ANTXR2: variants seen among roughly 807,000 people sequenced by gnomAD.
ANTXR2 encodes the protein anthrax toxin receptor 2.
A neutral mutation model predicts 73.7 loss-of-function variants in ANTXR2; 44 were observed. The observed-to-expected ratio is 0.60, with a 90% CI of 0.47 to 0.77. The LOEUF (loss-of-function observed/expected upper bound fraction) is 0.77. ANTXR2 is among the 30% of genes least tolerant of loss of function. ANTXR2 has a pLI of 0.00. For missense variants in ANTXR2, 604 were observed against 592.5 expected, an observed-to-expected ratio of 1.02 and a Z score of -0.20; for synonymous variants, 217 against 205.9, an observed-to-expected ratio of 1.05 and a Z score of -0.46.
intron 12 of ANTXR2, among the ~76,000 whole-genome samples, chr4:80,006,277 C>T (rs981211016): frequency 4.0e-5 from 6 of 151,774 alleles, no homozygotes; most frequent in Non-Finnish European, 5.9e-5. Flanking sequence ...ATTATAAGCA[C>T]TTTTGTATCC....
Position 80,046,177 on chromosome 4 carries a change from C to T in ANTXR2, c.636+8095G>A, listed in dbSNP as rs1476201016. On this transcript the variant is annotated intron_variant, in intron 7 of 16. Coordinates refer to ENST00000403729, the MANE Select transcript of ANTXR2 (RefSeq NM_058172.6). Reference sequence around the variant, plus strand: ...CAAAACAGATGGATAGTTCTGATTACATTGTTGATGAACATACTCTCATAT... The same window carrying T: ...CAAAACAGATGGATAGTTCTGATTATATTGTTGATGAACATACTCTCATAT... 2.0e-5 allele frequency among the ~76,000 whole-genome samples: 3 copies of T among 151,798 alleles called. No individual in the cohort carries two copies. The East Asian group carries it at 5.8e-4, about 29-fold the overall frequency.
rs548392247 is a variant in ANTXR2, at chr4:79,903,255, T to C, written c.*4174A>G. 6.6e-6 allele frequency: 1 copy of C among 152,242 alleles called. No homozygotes were observed. Among genetic ancestry groups the C allele is most frequent in the East Asian group, 1.9e-4 (1 of 5,182 alleles). The allele number at this position is 152,242 out of a possible 1,614,324, so 9.4% of individuals were successfully genotyped here. A position where few individuals can be genotyped will look rare whatever the true frequency, so the allele number is the denominator to read the frequency against. ...GATCTGTTCAACATCAGCAAGCTAG[T>C]TGATGGCTGGGTCTATGGTCTAGGA... On this transcript the variant is annotated 3_prime_UTR_variant, in exon 17 of 17. Transcript: ENST00000403729.
At chr4:79,926,879 G>GTA (rs1178453755) in intron 16 of ANTXR2, among the ~76,000 whole-genome samples, 5 of 150,580 alleles carry the variant, frequency 3.3e-5, no homozygotes, top group Admixed American at 6.6e-5. Flanking sequence ...ATATATGTGT[G>GTA]TATATATATG....
chr4:80,063,027 G>A (rs768739175), intron 3 of ANTXR2, among the ~76,000 whole-genome samples: 6 of 152,068 alleles, frequency 3.9e-5, no homozygotes, highest in Non-Finnish European at 8.8e-5. Flanking sequence ...CTATAAATGA[G>A]AAAAAATTAA....
In ANTXR2 at chr4:80,008,621, A is replaced by C. The variant is rs2110056259; in HGVS notation, c.946-5T>G. 1 of 1,584,816 alleles carries C rather than the reference A, an allele frequency of 6.3e-7. No homozygotes were observed. Among genetic ancestry groups the C allele is most frequent in the South Asian group, 1.2e-5 (1 of 83,938 alleles). ...GATGGCTGCGATCCCGTTAGACTAA[A>C]GTAGGCAAAAAGCAAAAACAAAGCA... On this transcript the variant is annotated splice_region_variant and splice_polypyrimidine_tract_variant and intron_variant, in intron 11 of 16. Transcript: ENST00000403729.
In ANTXR2 at chr4:80,032,818, G is replaced by A. The variant is rs549824914; in HGVS notation, c.796+654C>T. Among the ~76,000 whole-genome samples, 62 of 151,854 alleles carry A rather than the reference G, an allele frequency of 4.1e-4. 1 individual carries two copies. The South Asian group carries it at 8.3e-3, about 20-fold the overall frequency. Reference sequence around the variant, plus strand: ...GTTTTTTCAGAATGAAAACAAAAACGTACTCTTGGCTTTTTTAAAAGTCAA... The same window carrying A: ...GTTTTTTCAGAATGAAAACAAAAACATACTCTTGGCTTTTTTAAAAGTCAA... On this transcript the variant is annotated intron_variant, in intron 9 of 16. Transcript: ENST00000403729.
rs1471976969 is a variant in ANTXR2 at position 79,977,675 on chromosome 4, C to T, written c.1374G>A (p.Leu458=). ...AAACCCGGTCATACTGCCGCCTCAA[C>T]AAAGCCCAGAGAGCATCAAGACGAC... is the stretch of plus-strand genomic sequence containing the variant. ...IKGRLDALWA[L]LRRQYDRVSL... is the part of the protein sequence containing the mutation. Residue 458 remains leucine, a synonymous_variant, in exon 16 of 17, where the codon TTG becomes TTA. Transcript: ENST00000403729. 6.3e-7 allele frequency: 1 copy of T among 1,580,964 alleles called. No individual in the cohort carries two copies. Among genetic ancestry groups the T allele is most frequent in the South Asian group, 1.2e-5 (1 of 86,070 alleles).
chr4:79,987,054 A>G (rs373297271), intron 12 of ANTXR2, among the ~76,000 whole-genome samples: 108 of 152,326 alleles, frequency 7.1e-4, no homozygotes, highest in African/African-American at 2.5e-3. Flanking sequence ...ATGAGAAAGA[A>G]CCAGCACAAG....
At chr4:79,933,735 G>GTTT (rs10689799) in intron 16 of ANTXR2, among the ~76,000 whole-genome samples, 5,616 of 68,888 alleles carry the variant, frequency 0.082, 667 homozygotes, top group East Asian at 0.6. Flanking sequence ...TGGTGTGTTT[G>GTTT]TTTTTTTTTT....
intron 9 of ANTXR2, among the ~76,000 whole-genome samples, chr4:80,033,080 AGAAGCCTG>A (rs1227936830): frequency 1.3e-5 from 2 of 151,982 alleles, no homozygotes; most frequent in African/African-American, 4.8e-5. Flanking sequence ...GTGACAAGAA[AGAAGCCTG>A]AGGAAAGAAG....
intron 10 of ANTXR2, among the ~76,000 whole-genome samples, chr4:80,022,707 A>G (rs539880608): frequency 6.6e-6 from 1 of 152,336 alleles, no homozygotes; most frequent in Admixed American, 6.5e-5. Flanking sequence ...ATGGGCAAAA[A>G]TGTATTAAAA....
At chr4:79,999,394 C>T (rs901392076) in intron 12 of ANTXR2, among the ~76,000 whole-genome samples, 1 of 151,908 alleles carries the variant, frequency 6.6e-6, no homozygotes, top group Non-Finnish European at 1.5e-5. Context: ...TCCTCTTCAC[C>T]TTCTGCCATG....
chr4:79,963,113 T>C (rs1166349218), intron 16 of ANTXR2, among the ~76,000 whole-genome samples: 1 of 152,202 alleles, frequency 6.6e-6, no homozygotes, highest in South Asian at 2.1e-4. Flanking sequence ...TGCCAAGCAC[T>C]GGGTGATTTG....
chr4:79,994,177 A>C (rs1730616822), intron 12 of ANTXR2, among the ~76,000 whole-genome samples: 1 of 151,986 alleles, frequency 6.6e-6, no homozygotes, highest in South Asian at 2.1e-4. Context: ...ACTTGTTGTT[A>C]AATTAGACAT....
intron 16 of ANTXR2, among the ~76,000 whole-genome samples, chr4:79,911,345 G>A (rs73828806): frequency 0.089 from 13,595 of 152,162 alleles, 716 homozygotes; most frequent in Middle Eastern, 0.19. Flanking sequence ...AGTTAATAAT[G>A]TTTCTTTTTC....
intron 16 of ANTXR2, among the ~76,000 whole-genome samples, chr4:79,947,586 C>A (rs1180668847): frequency 6.6e-6 from 1 of 152,124 alleles, no homozygotes; most frequent in Non-Finnish European, 1.5e-5. Context: ...TTGCCACAGA[C>A]AATAAATCTT....
intron 16 of ANTXR2, among the ~76,000 whole-genome samples, chr4:79,951,908 T>C (rs968633479): frequency 5.3e-5 from 8 of 152,138 alleles, no homozygotes; most frequent in African/African-American, 1.2e-4. Context: ...CTTCCTTGAA[T>C]TGATGTTTAA....
Position 80,072,479 on chromosome 4 carries a change from CG to C in ANTXR2, c.81del (p.Leu30CysfsTer45), listed in dbSNP as rs772624139. The C allele has an allele frequency of 1.2e-6, 2 of 1,610,110 alleles. No individual in the cohort carries two copies. The highest frequency in any genetic ancestry group is 8.5e-7 in the Non-Finnish European group (1 of 1,178,496). ...PGLWLLVLSG[P>X]GGLLRAQEQP... is the part of the protein sequence containing the mutation. ...TGCTCCTGGGCGCGCAGCAGCCCCC[CG>C]GGACCGCTGAGCACCAACAGCCACA... is the stretch of plus-strand genomic sequence containing the variant. On this transcript the variant is annotated frameshift_variant, in exon 1 of 17. Transcript: ENST00000403729. LOFTEE classifies it high-confidence loss of function.
At chr4:80,044,726 G>A (rs946492074) in intron 7 of ANTXR2, among the ~76,000 whole-genome samples, 1 of 151,744 alleles carries the variant, frequency 6.6e-6, no homozygotes, top group Non-Finnish European at 1.5e-5. Flanking sequence ...AGTGGCAACA[G>A]GAAGGATACT....
Sources: gnomAD v4.1 joint callset for allele counts (sites outside exome capture counted in the v4.1 genomes callset) on GRCh38, gnomAD v4.1.1 for gene constraint, MANE v1.5 for transcripts, NCBI Gene and HGNC (gene_info 2026-07-23, HGNC 2026-07-21) for gene names.